The following AMMECR1 variants were observed in gnomAD, a reference collection of about 807,000 sequenced individuals.
AMMECR1 encodes nuclear protein AMMECR1.
Under a neutral mutation model 22.5 loss-of-function variants are expected in AMMECR1, and 3 were observed. The ratio of observed to expected loss-of-function variants is 0.13; its 90% CI spans 0.06 to 0.35. AMMECR1 has a LOEUF of 0.35. AMMECR1 is among the 10% of genes least tolerant of loss of function. The pLI is 1.00. For synonymous variants in AMMECR1, 130 were observed against 116.7 expected (o/e 1.11, Z -0.74); for missense variants, 235 against 278.7 (o/e 0.84, Z 1.12).
intron 2 of AMMECR1, among the ~76,000 whole-genome samples, chrX:110,386,524 T>A (rs1445233979): frequency 9.0e-6 from 1 of 111,195 alleles, no homozygotes; most frequent in African/African-American, 3.3e-5. Flanking sequence ...TGCCCATTTT[T>A]AAATTGGGTT....
At chrX:110,337,378 A>G (rs1292540792) in intron 2 of AMMECR1, among the ~76,000 whole-genome samples, 1 of 111,835 alleles carries the variant, frequency 8.9e-6, no homozygotes, top group Non-Finnish European at 1.9e-5. Flanking sequence ...ATTTGTTCTC[A>G]TTTGAAATTC....
chrX:110,222,213 T>C (rs1455858155), intron 2 of AMMECR1, among the ~76,000 whole-genome samples: 2 of 82,456 alleles, frequency 2.4e-5, no homozygotes, highest in Non-Finnish European at 4.7e-5. Context: ...CCAACAATGA[T>C]AGACTGGATT....
intron 2 of AMMECR1, among the ~76,000 whole-genome samples, chrX:110,392,305 C>T (rs1003700763): frequency 2.2e-5 from 2 of 90,282 alleles, no homozygotes; most frequent in African/African-American, 8.7e-5. Context: ...GAGACAAGGT[C>T]TCACTCTATC....
At chrX:110,414,955 A>G (rs1256693019) in intron 2 of AMMECR1, among the ~76,000 whole-genome samples, 4 of 112,154 alleles carry the variant, frequency 3.6e-5, no homozygotes, top group Non-Finnish European at 7.5e-5. Context: ...TGAAGAAAGA[A>G]GAAAGCATAT....
chrX:110,263,043 G>A (rs2067749870), intron 2 of AMMECR1, among the ~76,000 whole-genome samples: 1 of 110,876 alleles, frequency 9.0e-6, no homozygotes. Context: ...TTTTCTTCAG[G>A]TAGCGCAAAG....
chrX:110,304,554 T>C (rs2067984244), intron 1 of AMMECR1, among the ~76,000 whole-genome samples: 1 of 112,197 alleles, frequency 8.9e-6, no homozygotes, highest in Admixed American at 9.4e-5. Flanking sequence ...TTAAGCTGAA[T>C]GCGTACTGAA....
At chrX:110,280,757 GT>G (rs1375684299) in intron 1 of AMMECR1, among the ~76,000 whole-genome samples, 1 of 111,718 alleles carries the variant, frequency 9.0e-6, no homozygotes, top group African/African-American at 3.2e-5. Flanking sequence ...GTTTTGTATA[GT>G]TTTGTTTTTC....
At chrX:110,326,132 G>A (rs1217457045) in intron 2 of AMMECR1, among the ~76,000 whole-genome samples, 1 of 110,854 alleles carries the variant, frequency 9.0e-6, no homozygotes, top group African/African-American at 3.3e-5. Flanking sequence ...TGGGATTCCA[G>A]GTGTGCATCA....
intron 2 of AMMECR1, among the ~76,000 whole-genome samples, chrX:110,343,743 A>G (rs1419478167): frequency 9.0e-6 from 1 of 111,135 alleles, no homozygotes; most frequent in Non-Finnish European, 1.9e-5. Context: ...CCCATTCACA[A>G]TTGCTTCAAA....
chrX:110,217,207 CAAAG>C (rs999529812), intron 2 of AMMECR1, among the ~76,000 whole-genome samples: 6 of 103,789 alleles, frequency 5.8e-5, no homozygotes, highest in Admixed American at 1.0e-4. Flanking sequence ...AAAAAAAAAA[CAAAG>C]AAAAGAAATA....
intron 2 of AMMECR1, among the ~76,000 whole-genome samples, chrX:110,235,618 GA>G (rs949702471): frequency 2.2e-4 from 25 of 112,263 alleles, no homozygotes; most frequent in Non-Finnish European, 3.8e-4. Context: ...ATACACCATG[GA>G]GTACTATGCA....
intron 1 of AMMECR1, among the ~76,000 whole-genome samples, chrX:110,303,218 A>G (rs1483389098): frequency 9.0e-6 from 1 of 111,606 alleles, no homozygotes; most frequent in Non-Finnish European, 1.9e-5. Flanking sequence ...GTGTAGCCCA[A>G]TGGAGACAGG....
intron 2 of AMMECR1, among the ~76,000 whole-genome samples, chrX:110,262,721 C>G (rs2148197593): frequency 8.9e-6 from 1 of 112,084 alleles, no homozygotes; most frequent in East Asian, 2.8e-4. Flanking sequence ...AATGGGATTT[C>G]TGCTACAATT....
chrX:110,297,129 G>A (rs755710803), intron 1 of AMMECR1, among the ~76,000 whole-genome samples: 1 of 111,457 alleles, frequency 9.0e-6, no homozygotes, highest in South Asian at 3.7e-4. Context: ...GCTAATGACC[G>A]ACATATTTTC....
intron 2 of AMMECR1, among the ~76,000 whole-genome samples, chrX:110,225,586 T>A (rs916036543): frequency 3.6e-5 from 4 of 112,359 alleles, no homozygotes; most frequent in African/African-American, 1.3e-4. Flanking sequence ...GTTTCAAACT[T>A]GGGATTTTTT....
At chrX:110,293,919 G>C (rs974057872) in intron 1 of AMMECR1, among the ~76,000 whole-genome samples, 4 of 111,216 alleles carry the variant, frequency 3.6e-5, no homozygotes, top group Non-Finnish European at 7.6e-5. Flanking sequence ...TTACTTATTT[G>C]TATTACAGTT....
chrX:110,356,557 G>A (rs2068231411), intron 2 of AMMECR1, among the ~76,000 whole-genome samples: 1 of 110,688 alleles, frequency 9.0e-6, no homozygotes, highest in Non-Finnish European at 1.9e-5. Context: ...GCTTTTTAAT[G>A]TTCTTACCAC....
At chrX:110,411,949 G>A (rs2068644363) in intron 2 of AMMECR1, among the ~76,000 whole-genome samples, 2 of 112,539 alleles carry the variant, frequency 1.8e-5, no homozygotes, top group African/African-American at 6.5e-5. Flanking sequence ...AGGAATAAAC[G>A]AGCTTCTGTA....
chrX:110,222,503 G>A (rs1392741984), intron 2 of AMMECR1, among the ~76,000 whole-genome samples: 25 of 92,340 alleles, frequency 2.7e-4, no homozygotes, highest in African/African-American at 9.2e-4. Context: ...GCTAGATGAC[G>A]AGTTAGTGGG....
Sources: allele counts gnomAD v4.1 joint callset (sites outside exome capture counted in the v4.1 genomes callset), GRCh38; gene constraint gnomAD v4.1.1; transcripts MANE v1.5; gene names NCBI Gene and HGNC (gene_info 2026-07-23, HGNC 2026-07-21).